The following TEX261 variants were observed in gnomAD, a reference collection of about 807,000 sequenced individuals.
The protein encoded by TEX261 is testis expressed 261.
TEX261 carries 13 observed loss-of-function variants against 25.1 expected under a neutral mutation model. The observed-to-expected ratio is 0.52, with a 90% CI of 0.34 to 0.82. The LOEUF (loss-of-function observed/expected upper bound fraction) is 0.82. Ranked by LOEUF, TEX261 falls within the 40% of genes least tolerant of loss-of-function variation. TEX261 has a pLI of 0.02. For synonymous variants in TEX261, 92 were observed against 97.8 expected (o/e 0.94, Z 0.35); for missense variants, 206 against 243.2 (o/e 0.85, Z 1.02).
chr2:70,990,171 A>T (rs1436096855), intron 3 of TEX261, among the ~76,000 whole-genome samples: 2 of 152,236 alleles, frequency 1.3e-5, no homozygotes, highest in African/African-American at 4.8e-5. Flanking sequence ...GGGAGAAATC[A>T]TGGGTGTGCA....
In TEX261 at chr2:70,988,653, C is replaced by T. The variant is rs201814978; in HGVS notation, c.538G>A (p.Val180Ile). The T allele has an allele frequency of 1.9e-6, 3 of 1,614,190 alleles. No individual in the cohort carries two copies. The Admixed American group carries it at 5.0e-5, about 27-fold the overall frequency. Residue 180 changes from valine (V) to isoleucine (I), a missense_variant, in exon 6 of 6, where the codon GTC becomes ATC. Physicochemically the swap from Val to Ile is conservative, Grantham distance 29 (BLOSUM62 3). Transcript: ENST00000272438. ...ATGGCCTCTTTGATGAAGGAGAAGA[C>T]AACCAGGATCCCTAAGCGTTTGCCC... ...KRGKRLGILV[V>I]FSFIKEAILP...
chr2:70,989,709 C>G, intron 4 of TEX261, 40 bp downstream of exon 4: 2 of 1,385,664 alleles, frequency 1.4e-6, no homozygotes, highest in Non-Finnish European at 2.1e-6. Context: ...TTTTACTACC[C>G]TGTCCCTGTT....
intron 3 of TEX261, among the ~76,000 whole-genome samples, chr2:70,990,807 G>C (rs562489740): frequency 8.5e-5 from 13 of 152,310 alleles, no homozygotes; most frequent in South Asian, 4.1e-4. Context: ...GTGAAGTCAG[G>C]GGAGCCTGCT....
intron 2 of TEX261, 25 bp from the exon 3 acceptor site, chr2:70,992,008 G>A: frequency 2.6e-6 from 4 of 1,550,270 alleles, no homozygotes; most frequent in Non-Finnish European, 3.5e-6. Context: ...GGCAGACAGT[G>A]CAGGGCGCTT....
rs1553425256 is a variant in TEX261, at chr2:70,988,896, C to T, written c.475+19G>A. On this transcript the variant is annotated intron_variant, in intron 5 of 5. Coordinates refer to ENST00000272438, the MANE Select transcript of TEX261 (RefSeq NM_144582.3). The stretch of plus-strand genomic sequence containing the variant: ...TGCTGGCTTGCCCCCACCTGGGCCC[C>T]TTACAAATCCCTTCTCACCTCCTGG... 3 of 1,612,448 alleles carry T rather than the reference C, an allele frequency of 1.9e-6. No homozygotes were observed. The highest frequency in any genetic ancestry group is 1.3e-5 in the African/African-American group (1 of 74,984).
rs915785811 is a variant in TEX261 at position 70,987,147 on chromosome 2, T to C, written c.*1453A>G. 5.9e-5 allele frequency: 9 copies of C among 152,124 alleles called. No homozygotes were observed. Among genetic ancestry groups the C allele is most frequent in the Non-Finnish European group, 1.3e-4 (9 of 68,064 alleles). The allele number at this position is 152,124 out of a possible 1,614,324, so 9.4% of individuals were successfully genotyped here. ...AAAGTAGGGCCAGCTGTCAGCCCAA[T>C]GGGAGGATGATGCAGGCTGCCAGTA... On this transcript the variant is annotated 3_prime_UTR_variant, in exon 6 of 6. Transcript: ENST00000272438.
At chr2:70,990,438 A>T (rs1553425504) in intron 3 of TEX261, among the ~76,000 whole-genome samples, 1 of 152,102 alleles carries the variant, frequency 6.6e-6, no homozygotes, top group Non-Finnish European at 1.5e-5. Flanking sequence ...GGACACACAC[A>T]CACACACAGC....
chr2:70,991,934 G>A lies in TEX261; in HGVS notation c.200C>T (p.Thr67Ile). 1.2e-6 allele frequency: 2 copies of A among 1,613,418 alleles called. No individual in the cohort carries two copies. Among genetic ancestry groups the A allele is most frequent in the African/African-American group, 1.3e-5 (1 of 74,996 alleles). ...GAATAGGCCCACTCCAATCATGCTG[G>A]TGGGGAAGCGCTCAAAGACGTAGAG... ...IGLYVFERFP[T>I]SMIGVGLFTN... The change falls in exon 3 of 6, where the codon ACC becomes ATC. Residue 67 changes from threonine to isoleucine, a missense_variant. Thr to Ile is a moderately conservative substitution (Grantham distance 89). Coordinates refer to ENST00000272438, the MANE Select transcript of TEX261 (RefSeq NM_144582.3).
In TEX261 at chr2:70,993,589, A is replaced by G; in HGVS notation, c.150+107T>C. On this transcript the variant is annotated intron_variant, in intron 2 of 5. Transcript: ENST00000272438. Reference sequence around the variant, plus strand: ...AGGAGGTAAGAGTGTATGCTCAGGAAACAGCAGAGACACAGGCCTCATCAT... The same window carrying G: ...AGGAGGTAAGAGTGTATGCTCAGGAGACAGCAGAGACACAGGCCTCATCAT... 6 of 916,068 alleles carry G rather than the reference A, an allele frequency of 6.5e-6. No individual in the cohort carries two copies. The Admixed American group carries it at 1.1e-4, about 16-fold the overall frequency. 56.7% of individuals were successfully genotyped at this position (916,068 alleles called of 1,614,324 possible). A position where few individuals can be genotyped will look rare whatever the true frequency, so the allele number is the denominator to read the frequency against.
intron 3 of TEX261, among the ~76,000 whole-genome samples, chr2:70,991,366 C>T (rs1229325350): frequency 1.3e-5 from 2 of 152,222 alleles, no homozygotes; most frequent in African/African-American, 4.8e-5. Flanking sequence ...GCTGCAGCCC[C>T]CAGGAGGCAT....
In TEX261 at chr2:70,986,503, A is replaced by G. The variant is rs1670187710; in HGVS notation, c.*2097T>C. ...GAGGCTGTCACGATAATCCAGGTGA[A>G]AGCTGATGACAGTGGGAGTGGCTCA... On this transcript the variant is annotated 3_prime_UTR_variant, in exon 6 of 6. Transcript: ENST00000272438. 1 of 152,702 alleles carries G rather than the reference A, an allele frequency of 6.5e-6. No homozygotes were observed. Among genetic ancestry groups the G allele is most frequent in the African/African-American group, 2.4e-5 (1 of 41,454 alleles). 9.5% of individuals were successfully genotyped at this position (152,702 alleles called of 1,614,324 possible).
Position 70,991,319 on chromosome 2 carries a change from C to G in TEX261, c.304+511G>C, listed in dbSNP as rs571294484. Among the ~76,000 whole-genome samples the G allele has an allele frequency of 5.9e-5, 9 of 152,318 alleles. No individual in the cohort carries two copies. In the East Asian group the frequency reaches 1.2e-3, roughly 20 times the overall value. On this transcript the variant is annotated intron_variant, in intron 3 of 5. Transcript: ENST00000272438. Reference sequence around the variant, plus strand: ...TGGGTCCTCCACATCCAGGCTCAAGCCCGAGGCAGCGGCAGCCAGTGAGAA... The same window carrying G: ...TGGGTCCTCCACATCCAGGCTCAAGGCCGAGGCAGCGGCAGCCAGTGAGAA...
At chr2:70,992,132 TC>T in intron 2 of TEX261, 149 bp from the exon 3 acceptor site, 1 of 627,448 alleles carries the variant, frequency 1.6e-6, no homozygotes, top group Non-Finnish European at 2.4e-6. Flanking sequence ...GGTTCTCTGC[TC>T]CCAAAAGGCA....
chr2:70,990,336 T>C (rs1475486312), intron 3 of TEX261, among the ~76,000 whole-genome samples: 1 of 152,178 alleles, frequency 6.6e-6, no homozygotes, highest in Non-Finnish European at 1.5e-5. Context: ...TGCTTTGAGG[T>C]GCAGTCTTCA....
At chr2:70,989,379 C>T (rs545238301) in intron 4 of TEX261, 22 of 413,146 alleles carry the variant, frequency 5.3e-5, no homozygotes, top group Non-Finnish European at 8.5e-5. Context: ...GTGGAGAAAT[C>T]GTGGGAGAAG....
In TEX261 at chr2:70,992,000, C is replaced by T. The variant is rs781918398; in HGVS notation, c.151-17G>A. The T allele has an allele frequency of 1.3e-6, 2 of 1,578,374 alleles. No homozygotes were observed. The highest frequency in any genetic ancestry group is 1.2e-5 in the South Asian group (1 of 84,212). On this transcript the variant is annotated splice_polypyrimidine_tract_variant and intron_variant, in intron 2 of 5. Coordinates refer to ENST00000272438, the MANE Select transcript of TEX261 (RefSeq NM_144582.3). ...GGTGGAGAACTGAAACAACCAGAGG[C>T]AGACAGTGCAGGGCGCTTCTTCCAG...
In TEX261 at chr2:70,991,813, A is replaced by G. The variant is rs1670303248; in HGVS notation, c.304+17T>C. On this transcript the variant is annotated intron_variant, in intron 3 of 5. Transcript: ENST00000272438. ...CCCAACCACATCAGCTGCCTCCCCA[A>G]CTCTGTCCCCTCTCACCACACGACA... 1 of 1,611,268 alleles carries G rather than the reference A, an allele frequency of 6.2e-7. No homozygotes were observed. The highest frequency in any genetic ancestry group is 8.5e-7 in the Non-Finnish European group (1 of 1,178,838).
At chr2:70,989,394 C>A (rs1411382604) in intron 4 of TEX261, 1 of 411,258 alleles carries the variant, frequency 2.4e-6, no homozygotes, top group African/African-American at 2.0e-5. Flanking sequence ...GAGAAGAAAA[C>A]CTTGGCGGCC....
At chr2:70,994,164 G>A (rs1431545813) in intron 1 of TEX261, among the ~76,000 whole-genome samples, 2 of 152,214 alleles carry the variant, frequency 1.3e-5, no homozygotes, top group Non-Finnish European at 2.9e-5. Flanking sequence ...GGGAACAGTA[G>A]GGAGAGACAG....
Sources: gnomAD v4.1 joint callset for allele counts (sites outside exome capture counted in the v4.1 genomes callset) on GRCh38, gnomAD v4.1.1 for gene constraint, MANE v1.5 for transcripts, NCBI Gene and HGNC (gene_info 2026-07-23, HGNC 2026-07-21) for gene names.